Variants in SEC22A observed in about 807,000 individuals in gnomAD.
SEC22A encodes SEC22 homolog A, vesicle trafficking protein.
Under a neutral mutation model 35.3 loss-of-function variants are expected in SEC22A, and 22 were observed. The observed-to-expected ratio is 0.62, with a 90% CI of 0.45 to 0.89. The LOEUF (loss-of-function observed/expected upper bound fraction) is 0.89, where lower values mean the gene tolerates loss of function less well. SEC22A is among the 40% of genes least tolerant of loss of function. The pLI is 0.00. For synonymous variants in SEC22A, 119 were observed against 129.5 expected, an observed-to-expected ratio of 0.92 and a Z score of 0.55; for missense variants, 354 against 362.5, an observed-to-expected ratio of 0.98 and a Z score of 0.19.
chr3:123,203,570 T>C (rs7631072), intron 1 of SEC22A, among the ~76,000 whole-genome samples: 44,667 of 152,004 alleles, frequency 0.29, 7,612 homozygotes, highest in African/African-American at 0.47. Context: ...GCAAAGCTTG[T>C]CCAAATTTAC....
intron 2 of SEC22A, among the ~76,000 whole-genome samples, chr3:123,218,270 A>C (rs1302305626): frequency 6.6e-6 from 1 of 152,186 alleles, no homozygotes; most frequent in Non-Finnish European, 1.5e-5. Flanking sequence ...AGAACCAAAA[A>C]TATAATGAAA....
intron 5 of SEC22A, among the ~76,000 whole-genome samples, chr3:123,249,639 C>G (rs1937594762): frequency 6.6e-6 from 1 of 152,164 alleles, no homozygotes; most frequent in South Asian, 2.1e-4. Context: ...ATTCTCCTGC[C>G]TCAGCCTCCT....
chr3:123,264,854 C>G (rs754718828), intron 6 of SEC22A, among the ~76,000 whole-genome samples: 6 of 151,894 alleles, frequency 4.0e-5, no homozygotes, highest in Non-Finnish European at 7.4e-5. Flanking sequence ...ACCATGTTGA[C>G]CAGGCTGGTC....
intron 2 of SEC22A, among the ~76,000 whole-genome samples, chr3:123,210,792 TTGAGA>T (rs945209211): frequency 6.6e-6 from 1 of 152,138 alleles, no homozygotes; most frequent in Non-Finnish European, 1.5e-5. Context: ...GGCTTCGTTG[TTGAGA>T]TGAGACATGA....
chr3:123,227,999 C>G (rs1213274745), intron 4 of SEC22A, among the ~76,000 whole-genome samples: 1 of 151,004 alleles, frequency 6.6e-6, no homozygotes, highest in Non-Finnish European at 1.5e-5. Context: ...TATGGCATTT[C>G]AAGTTCTCCC....
rs1938193628 is a variant in SEC22A at position 123,272,441 on chromosome 3, TCA to T, written c.*720_*721del. The T allele has an allele frequency of 6.6e-6, 1 of 152,216 alleles. No individual in the cohort carries two copies. Among genetic ancestry groups the T allele is most frequent in the African/African-American group, 2.4e-5 (1 of 41,452 alleles). The allele number at this position is 152,216 out of a possible 1,614,324, so 9.4% of individuals were successfully genotyped here. On this transcript the variant is annotated 3_prime_UTR_variant, in exon 7 of 7. Transcript: ENST00000492595. ...CACTATAGCCGTTGTTTCCCAAACT[TCA>T]GTCTCTTTAGTACTACTTGTATTAT...
At chr3:123,229,871 A>AT (rs1440184554) in intron 4 of SEC22A, among the ~76,000 whole-genome samples, 18 of 97,270 alleles carry the variant, frequency 1.9e-4, no homozygotes, top group African/African-American at 2.3e-4. Flanking sequence ...CAAAAAAAAA[A>AT]AATAAATAAT....
chr3:123,235,901 C>G (rs1937411234), intron 4 of SEC22A, among the ~76,000 whole-genome samples: 1 of 152,204 alleles, frequency 6.6e-6, no homozygotes. Context: ...ATAACAACAT[C>G]TGTGAACCTT....
chr3:123,260,987 C>T (rs1937883810), intron 6 of SEC22A, among the ~76,000 whole-genome samples: 1 of 152,028 alleles, frequency 6.6e-6, no homozygotes, highest in South Asian at 2.1e-4. Flanking sequence ...AGGCTCCTGC[C>T]ACCATGCCTA....
At chr3:123,251,113 G>A (rs1345367677) in intron 5 of SEC22A, among the ~76,000 whole-genome samples, 1 of 152,180 alleles carries the variant, frequency 6.6e-6, no homozygotes, top group Non-Finnish European at 1.5e-5. Flanking sequence ...TTGTCGGGGA[G>A]CCTGAATATT....
chr3:123,214,085 C>T (rs1308982173), intron 2 of SEC22A, among the ~76,000 whole-genome samples: 1 of 152,120 alleles, frequency 6.6e-6, no homozygotes, highest in African/African-American at 2.4e-5. Context: ...ATCCAAGCTA[C>T]TCAGGAGGCT....
At position 123,227,383 on chromosome 3, in the gene SEC22A, T is replaced by A. The variant is rs562952408; in HGVS notation, c.541+2086T>A. 4.4e-4 allele frequency among the ~76,000 whole-genome samples: 67 copies of A among 151,904 alleles called. 1 individual carries two copies. The South Asian group carries it at 0.014, about 31-fold the overall frequency. ...CATCCTCTTAGACTAGTCTACTTCATATAAATATCTCCAATTCACCAATGA... is the reference window on the plus strand; with the variant it reads ...CATCCTCTTAGACTAGTCTACTTCAAATAAATATCTCCAATTCACCAATGA... On this transcript the variant is annotated intron_variant, in intron 4 of 6. Transcript: ENST00000492595.
chr3:123,252,663 G>C (rs996536345), intron 5 of SEC22A, among the ~76,000 whole-genome samples: 2 of 152,106 alleles, frequency 1.3e-5, no homozygotes, highest in Non-Finnish European at 2.9e-5. Context: ...GTATCTTGAG[G>C]CTCATTTAAA....
At chr3:123,271,137 C>T (rs1252295605) in intron 6 of SEC22A, among the ~76,000 whole-genome samples, 2 of 152,228 alleles carry the variant, frequency 1.3e-5, no homozygotes, top group African/African-American at 2.4e-5. Context: ...TGTAGAATAG[C>T]TTGTATGTGC....
intron 5 of SEC22A, among the ~76,000 whole-genome samples, chr3:123,257,727 A>G (rs1937768275): frequency 6.6e-6 from 1 of 152,102 alleles, no homozygotes; most frequent in Non-Finnish European, 1.5e-5. Context: ...GCAGTGGCTC[A>G]CGCCTGTAAT....
chr3:123,217,318 C>G (rs1184070346), intron 2 of SEC22A, among the ~76,000 whole-genome samples: 1 of 152,042 alleles, frequency 6.6e-6, no homozygotes, highest in Non-Finnish European at 1.5e-5. Flanking sequence ...CTGCCTCAGC[C>G]TCCTGAGTGG....
At chr3:123,246,375 G>C (rs1460761648) in intron 5 of SEC22A, among the ~76,000 whole-genome samples, 1 of 152,214 alleles carries the variant, frequency 6.6e-6, no homozygotes, top group East Asian at 1.9e-4. Flanking sequence ...GATTGGAGAA[G>C]GAAGGTTTTG....
At chr3:123,257,444 C>G (rs150063810) in intron 5 of SEC22A, among the ~76,000 whole-genome samples, 1 of 152,200 alleles carries the variant, frequency 6.6e-6, no homozygotes, top group African/African-American at 2.4e-5. Context: ...CGCCTGTAAT[C>G]CCAGCACTTT....
Position 123,209,409 on chromosome 3 carries a change from C to T in SEC22A, c.182+10C>T, listed in dbSNP as rs779229907. 9 of 1,596,834 alleles carry T rather than the reference C, an allele frequency of 5.6e-6. No homozygotes were observed. The South Asian group carries it at 7.8e-5, about 14-fold the overall frequency. On this transcript the variant is annotated intron_variant, in intron 2 of 6. Transcript: ENST00000492595. ...GACATTATAACATTAAGTAAGACTT[C>T]AGTTTGCTTCATTTGACTCATTTGC...
Sources: allele counts gnomAD v4.1 joint callset (sites outside exome capture counted in the v4.1 genomes callset), GRCh38; gene constraint gnomAD v4.1.1; transcripts MANE v1.5; gene names NCBI Gene and HGNC (gene_info 2026-07-23, HGNC 2026-07-21).